Variants in MTUS2 observed in about 807,000 individuals in gnomAD.
MTUS2 encodes the protein microtubule associated scaffold protein 2, also known as microtubule-associated tumor suppressor candidate 2.
MTUS2 carries 40 observed loss-of-function variants against 114.1 expected under a neutral mutation model. That is an observed-to-expected ratio of 0.35 (90% confidence interval 0.27 to 0.46). The LOEUF is 0.46. MTUS2 is among the 20% of genes least tolerant of loss of function. The pLI is 1.00. For synonymous variants in MTUS2, 688 were observed against 672.0 expected, an observed-to-expected ratio of 1.02 and a Z score of -0.37; for missense variants, 1,679 against 1,705.4, an observed-to-expected ratio of 0.98 and a Z score of 0.27.
At position 29,095,692 on chromosome 13, in the gene MTUS2, T is replaced by C. The variant is rs573976967; in HGVS notation, c.2447-5081T>C. ...TTTGTGCTGTGTTCCTTGGATTGTG[T>C]AGTATGTATTGATCTATCTTCAAGT... On this transcript the variant is annotated intron_variant, in intron 4 of 15. Transcript: ENST00000612955. 3.4e-5 allele frequency among the ~76,000 whole-genome samples: 5 copies of C among 148,932 alleles called. 1 individual carries two copies. The South Asian group carries it at 1.1e-3, about 33-fold the overall frequency.
intron 6 of MTUS2, among the ~76,000 whole-genome samples, chr13:29,304,943 G>A (rs1025399632): frequency 1.3e-5 from 2 of 152,004 alleles, no homozygotes; most frequent in East Asian, 1.9e-4. Flanking sequence ...CAGTCTTTCA[G>A]ACTACAGCAC....
At chr13:29,292,151 A>T (rs1898742694) in intron 6 of MTUS2, among the ~76,000 whole-genome samples, 2 of 152,190 alleles carry the variant, frequency 1.3e-5, no homozygotes, top group African/African-American at 4.8e-5. Flanking sequence ...TTACTGAGAT[A>T]ACACTAACTC....
At chr13:29,164,037 G>C in intron 5 of MTUS2, among the ~76,000 whole-genome samples, 1 of 152,172 alleles carries the variant, frequency 6.6e-6, no homozygotes, top group African/African-American at 2.4e-5. Context: ...AGAAGAGTAG[G>C]AGAAAGTCCC....
chr13:28,870,379 T>C (rs186641762), intron 2 of MTUS2, among the ~76,000 whole-genome samples: 214 of 152,256 alleles, frequency 1.4e-3, no homozygotes, highest in African/African-American at 4.4e-3. Flanking sequence ...CAAACGGCTT[T>C]GCTTGGTAAG....
chr13:29,456,014 G>C (rs898831694), intron 9 of MTUS2, among the ~76,000 whole-genome samples: 1 of 152,006 alleles, frequency 6.6e-6, no homozygotes, highest in Non-Finnish European at 1.5e-5. Context: ...GTGTAAAAAA[G>C]AGAAAGAAAT....
chr13:29,164,254 C>T (rs541519111), intron 5 of MTUS2, among the ~76,000 whole-genome samples: 23 of 152,352 alleles, frequency 1.5e-4, no homozygotes, highest in African/African-American at 5.5e-4. Context: ...GGGCTCCCTT[C>T]TCGCTCTGCC....
chr13:29,327,482 A>G (rs1177407713), intron 7 of MTUS2, among the ~76,000 whole-genome samples: 1 of 152,224 alleles, frequency 6.6e-6, no homozygotes. Context: ...AAAATTTTAT[A>G]TAAATGGAAT....
intron 11 of MTUS2, among the ~76,000 whole-genome samples, 172 bp from the exon 12 acceptor site, chr13:29,492,474 C>G (rs933159475): frequency 1.3e-5 from 2 of 151,932 alleles, no homozygotes; most frequent in South Asian, 4.1e-4. Flanking sequence ...TGAATACTAA[C>G]CTGGTCATGA....
chr13:28,927,368 C>T (rs766611116), intron 2 of MTUS2, among the ~76,000 whole-genome samples: 1 of 151,960 alleles, frequency 6.6e-6, no homozygotes, highest in Admixed American at 6.6e-5. Context: ...TGAGACCACC[C>T]TGGGCAACAT....
chr13:29,183,558 A>G (rs1894097197), intron 5 of MTUS2, among the ~76,000 whole-genome samples: 1 of 152,218 alleles, frequency 6.6e-6, no homozygotes, highest in African/African-American at 2.4e-5. Flanking sequence ...TTAGCACCAT[A>G]AGACTGGAAA....
chr13:28,941,506 A>C (rs1002103309), intron 2 of MTUS2, among the ~76,000 whole-genome samples: 1 of 152,068 alleles, frequency 6.6e-6, no homozygotes, highest in Non-Finnish European at 1.5e-5. Flanking sequence ...AAATTTGCAA[A>C]ATTTGTCTTA....
At chr13:29,354,933 T>C (rs1297085001) in intron 7 of MTUS2, among the ~76,000 whole-genome samples, 1 of 152,220 alleles carries the variant, frequency 6.6e-6, no homozygotes, top group African/African-American at 2.4e-5. Flanking sequence ...ACCAAACCCG[T>C]GAACTGCTTT....
At chr13:28,927,945 C>T (rs1881410865) in intron 2 of MTUS2, among the ~76,000 whole-genome samples, 1 of 152,038 alleles carries the variant, frequency 6.6e-6, no homozygotes, top group African/African-American at 2.4e-5. Flanking sequence ...AGATAGAGAA[C>T]CCAGAAATAA....
chr13:28,853,543 T>A (rs1046031387), intron 2 of MTUS2, among the ~76,000 whole-genome samples: 2 of 152,226 alleles, frequency 1.3e-5, no homozygotes, highest in African/African-American at 4.8e-5. Flanking sequence ...TGGTGGAAGT[T>A]CCATTGTGTG....
At position 29,320,764 on chromosome 13, in the gene MTUS2, G is replaced by A. The variant is rs145643727; in HGVS notation, c.2807-3849G>A. The stretch of plus-strand genomic sequence containing the variant: ...GTTAGGTAAAGATGCAGAGGTTAAG[G>A]CACAAGACAGAAATTACTGAAGAGA... On this transcript the variant is annotated intron_variant, in intron 6 of 15. Transcript: ENST00000612955. Among the ~76,000 whole-genome samples, 681 of 152,308 alleles carry A rather than the reference G, an allele frequency of 4.5e-3. 4 individuals are homozygous for A. The highest frequency in any genetic ancestry group is 0.016 in the African/African-American group (653 of 41,560).
At chr13:29,181,788 C>CTGTGTGTGTGTG (rs34853883) in intron 5 of MTUS2, among the ~76,000 whole-genome samples, 4 of 146,724 alleles carry the variant, frequency 2.7e-5, no homozygotes, top group African/African-American at 1.0e-4. Flanking sequence ...TTATATACTA[C>CTGTGTGTGTGTG]TGTGTGTGTG....
At chr13:28,980,125 G>T (rs1403444802) in intron 2 of MTUS2, among the ~76,000 whole-genome samples, 7 of 152,148 alleles carry the variant, frequency 4.6e-5, no homozygotes, top group African/African-American at 1.7e-4. Context: ...GATACTTGAG[G>T]GCTTTTGAAT....
At chr13:29,190,269 T>A (rs1010834632) in intron 5 of MTUS2, among the ~76,000 whole-genome samples, 3 of 152,242 alleles carry the variant, frequency 2.0e-5, no homozygotes, top group Admixed American at 2.0e-4. Flanking sequence ...ACCTAACACT[T>A]GGAATTCCAT....
Position 28,965,098 on chromosome 13 carries a change from C to G in MTUS2, c.-242-59359C>G, listed in dbSNP as rs186371630. Among the ~76,000 whole-genome samples the G allele has an allele frequency of 1.2e-4, 18 of 152,276 alleles. No individual in the cohort carries two copies. The East Asian group carries it at 3.3e-3, about 28-fold the overall frequency. On this transcript the variant is annotated intron_variant, in intron 2 of 15. Coordinates refer to ENST00000612955, the MANE Select transcript of MTUS2 (RefSeq NM_001033602.4). Reference sequence around the variant, plus strand: ...AGTCTCTTGTTTTAACCCGTGTTGTCATAATGAAGTTCACACGGATGGTTG... The same window carrying G: ...AGTCTCTTGTTTTAACCCGTGTTGTGATAATGAAGTTCACACGGATGGTTG...
Sources: gnomAD v4.1 joint callset for allele counts (sites outside exome capture counted in the v4.1 genomes callset) on GRCh38, gnomAD v4.1.1 for gene constraint, MANE v1.5 for transcripts, NCBI Gene and HGNC (gene_info 2026-07-23, HGNC 2026-07-21) for gene names.